The following ZC3H12D variants were observed in gnomAD, a reference collection of about 807,000 sequenced individuals.
ZC3H12D encodes the protein zinc finger CCCH-type containing 12D.
ZC3H12D carries 11 observed loss-of-function variants against 24.2 expected under a neutral mutation model. The observed-to-expected ratio is 0.46, with a 90% CI of 0.29 to 0.75. ZC3H12D has a LOEUF of 0.75. ZC3H12D is among the 30% of genes least tolerant of loss of function. ZC3H12D has a pLI of 0.11. For synonymous variants in ZC3H12D, 333 were observed against 341.8 expected (o/e 0.97, Z 0.28); for missense variants, 740 against 767.7 (o/e 0.96, Z 0.43).
At chr6:149,473,112 G>A (rs976445205) in intron 2 of ZC3H12D, among the ~76,000 whole-genome samples, 2 of 150,594 alleles carry the variant, frequency 1.3e-5, no homozygotes, top group Non-Finnish European at 3.0e-5. Context: ...TCAATGCCAG[G>A]GAGACTTAGC....
Position 149,450,749 on chromosome 6 carries a change from G to A in ZC3H12D, c.1518C>T (p.Asp506=), listed in dbSNP as rs1775875290. 1.3e-6 allele frequency: 2 copies of A among 1,549,068 alleles called. No homozygotes were observed. The highest frequency in any genetic ancestry group is 2.0e-5 in the Admixed American group (1 of 50,970). Residue 506 remains aspartate, a synonymous_variant, in exon 6 of 6, where the codon GAC becomes GAT. Transcript: ENST00000409806. ...RVMAAFPELS[D]LARLILLVQR... is the part of the protein sequence containing the mutation. ...GTACCAGGAGGATGAGCCTGGCGAG[G>A]TCTGAGAGCTCCGGGAACGCGGCCA... is the stretch of plus-strand genomic sequence containing the variant.
chr6:149,481,717 G>GA (rs1776428580), intron 1 of ZC3H12D, among the ~76,000 whole-genome samples: 1 of 148,726 alleles, frequency 6.7e-6, no homozygotes, highest in Non-Finnish European at 1.5e-5. Flanking sequence ...TACACCTGGT[G>GA]GGAAGATGGG....
At chr6:149,464,803 T>G (rs566324340) in intron 2 of ZC3H12D, among the ~76,000 whole-genome samples, 1 of 152,086 alleles carries the variant, frequency 6.6e-6, no homozygotes, top group African/African-American at 2.4e-5. Context: ...CAGGCATAAC[T>G]GACATGGTCT....
intron 1 of ZC3H12D, among the ~76,000 whole-genome samples, chr6:149,482,729 G>A (rs1433877720): frequency 6.6e-6 from 1 of 152,236 alleles, no homozygotes; most frequent in African/African-American, 2.4e-5. Context: ...CGGAGACGTG[G>A]CAGCTCCCAC....
At chr6:149,478,430 T>G (rs1318866754) in intron 1 of ZC3H12D, among the ~76,000 whole-genome samples, 1 of 152,174 alleles carries the variant, frequency 6.6e-6, no homozygotes, top group Admixed American at 6.5e-5. Context: ...TTATTTTTCA[T>G]GAAGATATGT....
chr6:149,461,413 A>G (rs1583186919), intron 3 of ZC3H12D, among the ~76,000 whole-genome samples: 1 of 152,084 alleles, frequency 6.6e-6, no homozygotes, highest in Admixed American at 6.6e-5. Flanking sequence ...AAGAGATTAG[A>G]TGAAGTACTT....
Position 149,451,340 on chromosome 6 carries a change from C to A in ZC3H12D, c.927G>T (p.Pro309=). Reference sequence around the variant, plus strand: ...CTCCTGCGGAGCCGCCCGGGGCTCTCGGTGGCCGCTGCTCCTCGGCGCCCG... The same window carrying A: ...CTCCTGCGGAGCCGCCCGGGGCTCTAGGTGGCCGCTGCTCCTCGGCGCCCG... ...PGAGAEEQRP[P]RAPGGSAGAR... Residue 309 remains proline (P), a synonymous_variant, in exon 6 of 6, where the codon CCG becomes CCT. Transcript: ENST00000409806. 6.9e-7 allele frequency: 1 copy of A among 1,449,730 alleles called. No individual in the cohort carries two copies. The highest frequency in any genetic ancestry group is 9.0e-7 in the Non-Finnish European group (1 of 1,111,930). The allele number at this position is 1,449,730 out of a possible 1,614,324, so 89.8% of individuals were successfully genotyped here.
chr6:149,455,007 T>C (rs1359468651), intron 4 of ZC3H12D, among the ~76,000 whole-genome samples: 2 of 152,220 alleles, frequency 1.3e-5, no homozygotes, highest in Admixed American at 6.5e-5. Flanking sequence ...GGCACAATTC[T>C]CTCTAGTCCT....
chr6:149,483,241 G>GTA (rs1776452139), intron 1 of ZC3H12D: 1 of 152,160 alleles, frequency 6.6e-6, no homozygotes, highest in Admixed American at 6.5e-5. Context: ...GGCAAAGACG[G>GTA]TAGTTCATGG....
At chr6:149,477,965 G>A (rs927755144) in intron 1 of ZC3H12D, among the ~76,000 whole-genome samples, 21 of 151,986 alleles carry the variant, frequency 1.4e-4, no homozygotes, top group African/African-American at 4.8e-4. Flanking sequence ...TCAGGAGTTC[G>A]AGACCAGCCT....
intron 2 of ZC3H12D, among the ~76,000 whole-genome samples, chr6:149,462,803 G>A (rs1358510992): frequency 2.6e-5 from 4 of 152,214 alleles, no homozygotes; most frequent in African/African-American, 9.7e-5. Context: ...CAGACTCCAA[G>A]TTCTTCAGCT....
At chr6:149,470,064 G>T (rs896387169) in intron 2 of ZC3H12D, among the ~76,000 whole-genome samples, 1 of 152,094 alleles carries the variant, frequency 6.6e-6, no homozygotes, top group South Asian at 2.1e-4. Flanking sequence ...ATTCCTTTAC[G>T]AGAAAAATGT....
intron 2 of ZC3H12D, among the ~76,000 whole-genome samples, chr6:149,471,654 T>C (rs1231777954): frequency 1.3e-5 from 2 of 152,334 alleles, no homozygotes; most frequent in East Asian, 3.9e-4. Flanking sequence ...TTTCAGGCCA[T>C]TGCTGGCTTT....
chr6:149,476,016 T>C (rs1163607926), intron 1 of ZC3H12D, among the ~76,000 whole-genome samples: 2 of 152,166 alleles, frequency 1.3e-5, no homozygotes, highest in African/African-American at 4.8e-5. Flanking sequence ...TGAAAAGACA[T>C]GATGTTTCTC....
chr6:149,461,735 A>T, intron 3 of ZC3H12D, 96 bp downstream of exon 3: 1 of 1,347,422 alleles, frequency 7.4e-7, no homozygotes, highest in Non-Finnish European at 1.0e-6. Context: ...AAATATCATT[A>T]AACAAACAAC....
At chr6:149,465,330 G>A (rs1776136164) in intron 2 of ZC3H12D, among the ~76,000 whole-genome samples, 1 of 149,324 alleles carries the variant, frequency 6.7e-6, no homozygotes, top group Non-Finnish European at 1.5e-5. Flanking sequence ...CTCCAGCCTG[G>A]GTGACAGTGT....
chr6:149,456,623 G>GGGTGCGGCCCC lies in ZC3H12D; in HGVS notation c.680+42_680+43insGGGGCCGCACC. On this transcript the variant is annotated intron_variant, in intron 4 of 5. Coordinates refer to ENST00000409806, the MANE Select transcript of ZC3H12D (RefSeq NM_207360.3). This position sits in a 1 kb window ranked among gnomAD's most constrained non-coding sequence, Gnocchi z 4.3. The stretch of plus-strand genomic sequence containing the variant: ...GCCACTGCCTCGACCCCGGCCCCCC[G>GGGTGCGGCCCC]CCCCGCCGCCCCCCAGGGTGTCAGG... 1 of 744,590 alleles carries GGGTGCGGCCCC rather than the reference G, an allele frequency of 1.3e-6. No individual in the cohort carries two copies. The highest frequency in any genetic ancestry group is 1.4e-5 in the South Asian group (1 of 69,210). The allele number at this position is 744,590 out of a possible 1,614,324, so 46.1% of individuals were successfully genotyped here. A position where few individuals can be genotyped will look rare whatever the true frequency, so the allele number is the denominator to read the frequency against.
Position 149,474,618 on chromosome 6 carries a change from A to G in ZC3H12D, c.-70-5T>C. On this transcript the variant is annotated splice_region_variant and splice_polypyrimidine_tract_variant and intron_variant, in intron 1 of 5. Transcript: ENST00000409806. Reference sequence around the variant, plus strand: ...TCAGAGCCCTGCAGACATGAGCTAAAGAGAAAAAAAATGCATCCATCAGGT... The same window carrying G: ...TCAGAGCCCTGCAGACATGAGCTAAGGAGAAAAAAAATGCATCCATCAGGT... 2 of 1,320,110 alleles carry G rather than the reference A, an allele frequency of 1.5e-6. No homozygotes were observed. Among genetic ancestry groups the G allele is most frequent in the East Asian group, 2.7e-5 (1 of 37,154 alleles). 81.8% of individuals were successfully genotyped at this position (1,320,110 alleles called of 1,614,324 possible). A position where few individuals can be genotyped will look rare whatever the true frequency, so the allele number is the denominator to read the frequency against.
In ZC3H12D at chr6:149,474,460, G is replaced by A. The variant is rs911973338; in HGVS notation, c.84C>T (p.Gly28=). 4.4e-6 allele frequency: 7 copies of A among 1,594,244 alleles called. No individual in the cohort carries two copies. The highest frequency in any genetic ancestry group is 2.7e-5 in the African/African-American group (2 of 74,522). Residue 28 remains glycine (G), a synonymous_variant, in exon 2 of 6, where the codon GGC becomes GGT. Transcript: ENST00000409806. The part of the protein sequence containing the change: ...EDVLRVLGKL[G]EGALVNDVLQ... Reference sequence around the variant, plus strand: ...GCACGTCGTTGACCAGGGCGCCCTCGCCCAGCTTGCCCAACACCCGGAGCA... The same window carrying A: ...GCACGTCGTTGACCAGGGCGCCCTCACCCAGCTTGCCCAACACCCGGAGCA...
Sources: allele counts gnomAD v4.1 joint callset (sites outside exome capture counted in the v4.1 genomes callset), GRCh38; gene constraint gnomAD v4.1.1; non-coding constraint Gnocchi (gnomAD v3.1); transcripts MANE v1.5; gene names NCBI Gene and HGNC (gene_info 2026-07-23, HGNC 2026-07-21).